Variants in PRKN observed in about 807,000 individuals in gnomAD.
PRKN encodes parkin RBR E3 ubiquitin protein ligase.
PRKN carries 56 observed loss-of-function variants against 59.5 expected under a neutral mutation model. The ratio of observed to expected loss-of-function variants is 0.94; its 90% CI spans 0.76 to 1.18. The LOEUF is 1.18. Among genes scored for constraint, PRKN ranks in the 50% most tolerant of loss-of-function variants. The probability of loss-of-function intolerance (pLI) is 0.00; values close to 1 mark genes in which losing one functional copy is unlikely to be tolerated. For missense variants in PRKN, 657 were observed against 596.4 expected, an observed-to-expected ratio of 1.10 and a Z score of -1.06; for synonymous variants, 250 against 222.1, an observed-to-expected ratio of 1.13 and a Z score of -1.12.
chr6:162,311,051 A>T (rs1190240255), intron 2 of PRKN, among the ~76,000 whole-genome samples: 3 of 152,174 alleles, frequency 2.0e-5, no homozygotes, highest in Admixed American at 2.0e-4. Context: ...GAAAACAGAA[A>T]ATCATAAAGG....
At chr6:161,798,958 A>G (rs891434714) in intron 6 of PRKN, among the ~76,000 whole-genome samples, 3 of 152,062 alleles carry the variant, frequency 2.0e-5, no homozygotes, top group African/African-American at 7.2e-5. Context: ...TCCCCGGGGT[A>G]CTCACCCACT....
intron 4 of PRKN, among the ~76,000 whole-genome samples, chr6:162,154,085 T>A (rs1343757940): frequency 6.6e-6 from 1 of 152,116 alleles, no homozygotes; most frequent in African/African-American, 2.4e-5. Context: ...CCTGTCTCCA[T>A]CAGCATAAAG....
chr6:161,851,687 T>C (rs945466622), intron 6 of PRKN, among the ~76,000 whole-genome samples: 2 of 151,614 alleles, frequency 1.3e-5, no homozygotes, highest in Admixed American at 1.3e-4. Context: ...GGTTTCACCC[T>C]GTTGGCCAGT....
chr6:162,465,157 C>T (rs972446691), intron 1 of PRKN, among the ~76,000 whole-genome samples: 2 of 152,160 alleles, frequency 1.3e-5, no homozygotes, highest in African/African-American at 4.8e-5. Flanking sequence ...CTTCTATGAA[C>T]ATTTTAAAGA....
intron 5 of PRKN, among the ~76,000 whole-genome samples, chr6:161,975,164 C>A (rs576340849): frequency 1.3e-5 from 2 of 148,762 alleles, no homozygotes; most frequent in African/African-American, 2.5e-5. Context: ...CAGCTCACTG[C>A]AAACTCTGCC....
intron 9 of PRKN, among the ~76,000 whole-genome samples, chr6:161,436,583 G>A (rs978963073): frequency 6.6e-6 from 1 of 152,030 alleles, no homozygotes; most frequent in South Asian, 2.1e-4. Flanking sequence ...AACTGCTTGG[G>A]TGAATGGCTG....
intron 6 of PRKN, among the ~76,000 whole-genome samples, chr6:161,895,537 TGAGA>T (rs1261901567): frequency 7.8e-5 from 9 of 116,056 alleles, no homozygotes; most frequent in East Asian, 5.6e-4. Context: ...GTGAGGCTTC[TGAGA>T]TTCAGGAGCA....
At chr6:161,922,944 T>C (rs143404189) in intron 6 of PRKN, among the ~76,000 whole-genome samples, 267 of 152,328 alleles carry the variant, frequency 1.8e-3, no homozygotes, top group Non-Finnish European at 2.3e-3. Context: ...CAATTGCAGT[T>C]TAAACAAAAC....
rs562771431 is a variant in PRKN at position 161,554,671 on chromosome 6, A to G, written c.934-5668T>C. ...ATATGGAATTATAGTTTCTTACAGT[A>G]TACATATAAGGAATATACAATCCTG... On this transcript the variant is annotated intron_variant, in intron 8 of 11. Coordinates refer to ENST00000366898, the MANE Select transcript of PRKN (RefSeq NM_004562.3). The surrounding 1 kb of genome is among the most constrained non-coding windows in gnomAD (Gnocchi z 4.5). 1.3e-5 allele frequency among the ~76,000 whole-genome samples: 2 copies of G among 151,576 alleles called. No homozygotes were observed. Among genetic ancestry groups the G allele is most frequent in the Non-Finnish European group, 2.9e-5 (2 of 67,932 alleles).
rs1006998987 is a variant in PRKN at position 161,373,917 on chromosome 6, C to T, written c.1167+12877G>A. Reference sequence around the variant, plus strand: ...GACACAGTCCTTCGATTCCCTCTTGCCTGTTGTCGGCTGGGCCACTATGCA... The same window carrying T: ...GACACAGTCCTTCGATTCCCTCTTGTCTGTTGTCGGCTGGGCCACTATGCA... On this transcript the variant is annotated intron_variant, in intron 10 of 11. Coordinates refer to ENST00000366898, the MANE Select transcript of PRKN (RefSeq NM_004562.3). This position sits in a 1 kb window ranked among gnomAD's most constrained non-coding sequence, Gnocchi z 4.8. 6.6e-6 allele frequency among the ~76,000 whole-genome samples: 1 copy of T among 152,184 alleles called. No individual in the cohort carries two copies. Among genetic ancestry groups the T allele is most frequent in the Non-Finnish European group, 1.5e-5 (1 of 68,040 alleles).
Position 161,562,494 on chromosome 6 carries a change from G to C in PRKN, c.933+6861C>G, listed in dbSNP as rs775685283. On this transcript the variant is annotated intron_variant, in intron 8 of 11. Transcript: ENST00000366898. The surrounding 1 kb of genome is among the most constrained non-coding windows in gnomAD (Gnocchi z 4.3). Reference sequence around the variant, plus strand: ...TGGCTTCTTCTGAGAATCCCCATGGGTTTAAAATTTCCTCTACATGCTGGT... The same window carrying C: ...TGGCTTCTTCTGAGAATCCCCATGGCTTTAAAATTTCCTCTACATGCTGGT... Among the ~76,000 whole-genome samples the C allele has an allele frequency of 2.0e-5, 3 of 152,152 alleles. No individual in the cohort carries two copies. The highest frequency in any genetic ancestry group is 4.4e-5 in the Non-Finnish European group (3 of 68,030).
chr6:161,404,051 C>A (rs1787161111), intron 9 of PRKN, among the ~76,000 whole-genome samples: 1 of 152,102 alleles, frequency 6.6e-6, no homozygotes, highest in Non-Finnish European at 1.5e-5. Flanking sequence ...CTCTGATTCC[C>A]CATTAGGAAA....
intron 9 of PRKN, among the ~76,000 whole-genome samples, chr6:161,490,007 T>G (rs923629617): frequency 2.0e-5 from 3 of 152,200 alleles, no homozygotes; most frequent in Non-Finnish European, 2.9e-5. Context: ...GCCCATCTGT[T>G]CCTGCAGTGG....
chr6:161,794,937 T>C (rs1054998530), intron 6 of PRKN, among the ~76,000 whole-genome samples: 1 of 152,086 alleles, frequency 6.6e-6, no homozygotes. Flanking sequence ...CAGGCTGGAG[T>C]GCAGTGGCGC....
intron 1 of PRKN, among the ~76,000 whole-genome samples, chr6:162,509,493 A>T (rs923526639): frequency 6.6e-6 from 1 of 152,228 alleles, no homozygotes; most frequent in Non-Finnish European, 1.5e-5. Context: ...TGATCTTAAA[A>T]ACAAGCCTAT....
chr6:161,688,426 T>C (rs1003519651), intron 7 of PRKN, among the ~76,000 whole-genome samples: 11 of 152,176 alleles, frequency 7.2e-5, no homozygotes, highest in African/African-American at 2.7e-4. Context: ...TAGCAACGGG[T>C]TCCATTAAAA....
At chr6:162,319,493 A>C (rs1782895669) in intron 2 of PRKN, among the ~76,000 whole-genome samples, 1 of 152,048 alleles carries the variant, frequency 6.6e-6, no homozygotes, top group African/African-American at 2.4e-5. Flanking sequence ...TAATGCTCTA[A>C]GTTCTGATGT....
chr6:162,029,614 C>G (rs975679431), intron 5 of PRKN, among the ~76,000 whole-genome samples: 2 of 152,172 alleles, frequency 1.3e-5, no homozygotes, highest in Non-Finnish European at 2.9e-5. Flanking sequence ...GGTTTGGCTC[C>G]CTCTCTGCTG....
At chr6:161,637,815 C>T (rs1783584259) in intron 7 of PRKN, among the ~76,000 whole-genome samples, 2 of 151,850 alleles carry the variant, frequency 1.3e-5, no homozygotes, top group South Asian at 4.2e-4. Flanking sequence ...TACTTGAGAG[C>T]AAATAGCTGT....
Sources: gnomAD v4.1 joint callset for allele counts (sites outside exome capture counted in the v4.1 genomes callset) on GRCh38, gnomAD v4.1.1 for gene constraint, Gnocchi (gnomAD v3.1) non-coding constraint, MANE v1.5 for transcripts, NCBI Gene and HGNC (gene_info 2026-07-23, HGNC 2026-07-21) for gene names.